PRDM5: variants seen among roughly 807,000 people sequenced by gnomAD.
The protein encoded by PRDM5 is PR/SET domain 5.
PRDM5 carries 56 observed loss-of-function variants against 81.2 expected under a neutral mutation model. The ratio of observed to expected loss-of-function variants is 0.69; its 90% confidence interval spans 0.56 to 0.86. PRDM5 has a LOEUF of 0.86. Among genes scored for constraint, PRDM5 ranks in the 40% least tolerant of loss-of-function variants. PRDM5 has a pLI of 0.00. For synonymous variants in PRDM5, 267 were observed against 256.4 expected (o/e 1.04, Z -0.39); for missense variants, 697 against 770.1 (o/e 0.91, Z 1.12).
chr4:120,848,241 T>C (rs1016574291), intron 3 of PRDM5, among the ~76,000 whole-genome samples: 1 of 152,150 alleles, frequency 6.6e-6, no homozygotes, highest in African/African-American at 2.4e-5. Context: ...TTAAAATATA[T>C]ATTTTAAAAT....
At chr4:120,778,324 T>C (rs1561196487) in intron 12 of PRDM5, among the ~76,000 whole-genome samples, 1 of 152,048 alleles carries the variant, frequency 6.6e-6, no homozygotes, top group East Asian at 1.9e-4. Context: ...TGAACTGACA[T>C]AGACAAATGA....
Position 120,891,179 on chromosome 4 carries a change from T to G in PRDM5, c.177+16295A>C, listed in dbSNP as rs528464293. Among the ~76,000 whole-genome samples, 3 of 152,334 alleles carry G rather than the reference T, an allele frequency of 2.0e-5. No homozygotes were observed. In the South Asian group the frequency reaches 6.2e-4, roughly 32 times the overall value. ...CTGGTCTCGGGCTTTTTCTGGTTTT[T>G]AGGCTTTTTATTACTGATTCAGTTT... On this transcript the variant is annotated intron_variant, in intron 2 of 15. Transcript: ENST00000264808.
At chr4:120,755,594 A>G (rs1307323741) in intron 13 of PRDM5, among the ~76,000 whole-genome samples, 2 of 152,158 alleles carry the variant, frequency 1.3e-5, no homozygotes, top group Non-Finnish European at 1.5e-5. Flanking sequence ...TCTTAATTCA[A>G]TCTGGATATC....
intron 13 of PRDM5, among the ~76,000 whole-genome samples, chr4:120,755,204 C>T (rs1220571834): frequency 6.6e-6 from 1 of 152,162 alleles, no homozygotes; most frequent in Non-Finnish European, 1.5e-5. Context: ...TATCTCTCAC[C>T]TAGAGGCTAT....
Position 120,710,613 on chromosome 4 carries a change from G to A in PRDM5, c.1624-200C>T, listed in dbSNP as rs138821238. On this transcript the variant is annotated intron_variant, in intron 14 of 15. Coordinates refer to ENST00000264808, the MANE Select transcript of PRDM5 (RefSeq NM_018699.4). Reference sequence around the variant, plus strand: ...TCCCCATATGTCATGGGAAGGACCTGATGGGAGGTAATTGAATCATGGGGC... The same window carrying A: ...TCCCCATATGTCATGGGAAGGACCTAATGGGAGGTAATTGAATCATGGGGC... 9.4e-3 allele frequency among the ~76,000 whole-genome samples: 1,430 copies of A among 152,304 alleles called. 19 individuals carry two copies. The highest frequency in any genetic ancestry group is 0.033 in the African/African-American group (1,357 of 41,554).
intron 2 of PRDM5, among the ~76,000 whole-genome samples, chr4:120,862,453 A>G (rs952657765): frequency 3.9e-5 from 6 of 152,226 alleles, no homozygotes; most frequent in African/African-American, 1.2e-4. Context: ...GTAACATACA[A>G]TGCCAAGTCC....
chr4:120,915,940 C>A (rs1417110028), intron 1 of PRDM5, among the ~76,000 whole-genome samples: 3 of 152,148 alleles, frequency 2.0e-5, no homozygotes, highest in African/African-American at 7.2e-5. Context: ...CAAAAAATAA[C>A]ACAGCGAAGT....
chr4:120,794,259 G>A (rs914600465), intron 10 of PRDM5, among the ~76,000 whole-genome samples: 1 of 151,884 alleles, frequency 6.6e-6, no homozygotes, highest in Non-Finnish European at 1.5e-5. Flanking sequence ...GGAAAGAGTG[G>A]CTGTGCTCTA....
intron 14 of PRDM5, among the ~76,000 whole-genome samples, chr4:120,742,080 T>C (rs960978187): frequency 2.0e-5 from 3 of 152,220 alleles, no homozygotes; most frequent in African/African-American, 7.2e-5. Flanking sequence ...GCTGGAGATC[T>C]GAGAACAGGC....
chr4:120,789,252 C>T (rs1750217474), intron 10 of PRDM5, among the ~76,000 whole-genome samples: 1 of 152,100 alleles, frequency 6.6e-6, no homozygotes, highest in Middle Eastern at 3.2e-3. Context: ...ATTTATAACA[C>T]CTACTAGAAT....
chr4:120,793,936 A>C (rs1750969628), intron 10 of PRDM5, among the ~76,000 whole-genome samples: 1 of 142,690 alleles, frequency 7.0e-6, no homozygotes, highest in African/African-American at 2.4e-5. Flanking sequence ...ATTATGCTTC[A>C]ATAAATAAAA....
At chr4:120,816,973 C>T in intron 5 of PRDM5, 49 bp from the exon 6 acceptor site, 1 of 1,410,930 alleles carries the variant, frequency 7.1e-7, no homozygotes, top group Non-Finnish European at 1.0e-6. Flanking sequence ...AAAACTGGAA[C>T]TCTAAGACAA....
chr4:120,884,262 T>A (rs569052089), intron 2 of PRDM5, among the ~76,000 whole-genome samples: 7 of 152,180 alleles, frequency 4.6e-5, no homozygotes, highest in Non-Finnish European at 8.8e-5. Flanking sequence ...TGTATTGCTA[T>A]AATTTTTTAC....
At chr4:120,703,494 G>A (rs1163877436) in intron 15 of PRDM5, among the ~76,000 whole-genome samples, 1 of 152,068 alleles carries the variant, frequency 6.6e-6, no homozygotes, top group Non-Finnish European at 1.5e-5. Flanking sequence ...CTGGTCTCAT[G>A]TATTTGTTTA....
chr4:120,759,567 T>C (rs994975288), intron 13 of PRDM5, among the ~76,000 whole-genome samples: 1 of 152,250 alleles, frequency 6.6e-6, no homozygotes, highest in Non-Finnish European at 1.5e-5. Context: ...GCATATGATA[T>C]TTGCCTTCAT....
chr4:120,690,903 CTTAGA>C (rs1467866434), downstream of PRDM5, among the ~76,000 whole-genome samples: 3 of 152,152 alleles, frequency 2.0e-5, no homozygotes, highest in South Asian at 2.1e-4. Flanking sequence ...AATTTAACAT[CTTAGA>C]TTAGTTTCCT....
At chr4:120,798,239 A>T (rs564371451) in intron 10 of PRDM5, 28 bp downstream of exon 10, 3 of 1,448,896 alleles carry the variant, frequency 2.1e-6, no homozygotes, top group East Asian at 2.5e-5. Flanking sequence ...AATTCATAAA[A>T]AATAATAATA....
At chr4:120,823,927 C>A (rs1416437205) in intron 3 of PRDM5, among the ~76,000 whole-genome samples, 1 of 152,128 alleles carries the variant, frequency 6.6e-6, no homozygotes, top group Non-Finnish European at 1.5e-5. Context: ...TGAGTTCTTC[C>A]TCTATTACTT....
rs563696537 is a variant in PRDM5 at position 120,876,170 on chromosome 4, T to C, written c.178-22630A>G. Reference sequence around the variant, plus strand: ...CACCTCAAATATCTACCACCTTCCTTGGTTCACCACATGTATTGTGAGACA... The same window carrying C: ...CACCTCAAATATCTACCACCTTCCTCGGTTCACCACATGTATTGTGAGACA... On this transcript the variant is annotated intron_variant, in intron 2 of 15. Coordinates refer to ENST00000264808, the MANE Select transcript of PRDM5 (RefSeq NM_018699.4). 1.9e-4 allele frequency among the ~76,000 whole-genome samples: 29 copies of C among 152,266 alleles called. No individual in the cohort carries two copies. In the South Asian group the frequency reaches 5.4e-3, roughly 28 times the overall value.
Sources: gnomAD v4.1 joint callset for allele counts (sites outside exome capture counted in the v4.1 genomes callset) on GRCh38, gnomAD v4.1.1 for gene constraint, MANE v1.5 for transcripts, NCBI Gene and HGNC (gene_info 2026-07-23, HGNC 2026-07-21) for gene names.